ALPK2: variants seen among roughly 807,000 people sequenced by gnomAD.
ALPK2 encodes the protein alpha kinase 2.
Under a neutral mutation model 163.1 loss-of-function variants are expected in ALPK2, and 127 were observed. That is an observed-to-expected ratio of 0.78 (90% CI 0.67 to 0.90). The LOEUF is 0.90. ALPK2 is among the 40% of genes least tolerant of loss of function. The pLI is 0.00. For missense variants in ALPK2, 2,360 were observed against 2,589.6 expected (o/e 0.91, Z 1.92); for synonymous variants, 953 against 959.1 (o/e 0.99, Z 0.12).
chr18:58,525,227 T>G (rs1457323701), intron 6 of ALPK2, among the ~76,000 whole-genome samples: 1 of 152,256 alleles, frequency 6.6e-6, no homozygotes, highest in Non-Finnish European at 1.5e-5. Context: ...AATATACCAG[T>G]GGCTTAAAAC....
At chr18:58,533,089 G>C (rs1031732128) in intron 5 of ALPK2, among the ~76,000 whole-genome samples, 3 of 152,216 alleles carry the variant, frequency 2.0e-5, no homozygotes, top group African/African-American at 7.2e-5. Flanking sequence ...GGCCCTCTCA[G>C]GACAAGGCTG....
intron 8 of ALPK2, 57 bp downstream of exon 8, chr18:58,523,749 A>G: frequency 1.9e-6 from 3 of 1,607,510 alleles, no homozygotes; most frequent in Non-Finnish European, 2.6e-6. Flanking sequence ...TCTGGGAGCT[A>G]TTTTATGCTT....
At chr18:58,495,128 A>G (rs2051395045) in intron 12 of ALPK2, among the ~76,000 whole-genome samples, 2 of 152,164 alleles carry the variant, frequency 1.3e-5, no homozygotes, top group Non-Finnish European at 2.9e-5. Context: ...GGTTCCCAGG[A>G]GCCTCTAAAG....
chr18:58,523,985 A>T lies in ALPK2; in HGVS notation c.5579T>A (p.Ile1860Asn), dbSNP rs746401421. 24 of 1,614,072 alleles carry T rather than the reference A, an allele frequency of 1.5e-5. No individual in the cohort carries two copies. The South Asian group carries it at 1.8e-4, about 12-fold the overall frequency. ...PKDQGLYYCC[I>N]KNSYGKVTAE... is the part of the protein sequence containing the mutation. ...AGTCACTTTTCCGTAGCTGTTCTTG[A>T]TGCAGCAGTAATAGAGTCCCTGGTC... is the stretch of plus-strand genomic sequence containing the variant. Residue 1860 changes from isoleucine (I) to asparagine (N), a missense_variant, in exon 7 of 13, where the codon ATC becomes AAC. Physicochemically the swap from Ile to Asn is moderately radical, Grantham distance 149 (BLOSUM62 -3). Coordinates refer to ENST00000361673, the MANE Select transcript of ALPK2 (RefSeq NM_052947.4).
At chr18:58,514,158 T>A (rs1038525910) in intron 10 of ALPK2, among the ~76,000 whole-genome samples, 1 of 152,194 alleles carries the variant, frequency 6.6e-6, no homozygotes, top group Non-Finnish European at 1.5e-5. Flanking sequence ...GGTACTGAAG[T>A]GTGTTAAGCA....
rs398033036 is a variant in ALPK2, at chr18:58,521,627, C to CTTTTTTTTTTT, written c.5665+2168_5665+2178dup. Among the ~76,000 whole-genome samples, 69 of 55,382 alleles carry CTTTTTTTTTTT rather than the reference C, an allele frequency of 1.2e-3. 3 individuals carry two copies. The highest frequency in any genetic ancestry group is 2.7e-3 in the African/African-American group (43 of 15,830). 36.3% of individuals were successfully genotyped at this position (55,382 alleles called of 152,430 possible). On this transcript the variant is annotated intron_variant, in intron 8 of 12. Coordinates refer to ENST00000361673, the MANE Select transcript of ALPK2 (RefSeq NM_052947.4). ...TTTCTTTTTCTTTCTTTCTCTCTCT[C>CTTTTTTTTTTT]TTTTTTTTTTTTTTTTTTTGAGATG...
At chr18:58,482,853 T>C (rs986602365) in intron 12 of ALPK2, among the ~76,000 whole-genome samples, 2 of 152,234 alleles carry the variant, frequency 1.3e-5, no homozygotes, top group Non-Finnish European at 2.9e-5. Context: ...TCCCCAGCTA[T>C]CTGCAGATGA....
At chr18:58,613,503 G>A (rs933591919) in intron 1 of ALPK2, among the ~76,000 whole-genome samples, 171 of 152,074 alleles carry the variant, frequency 1.1e-3, no homozygotes, top group African/African-American at 4.0e-3. Context: ...GACCATCCTG[G>A]CCAACATGGT....
At chr18:58,605,793 C>G (rs2052095061) in intron 3 of ALPK2, among the ~76,000 whole-genome samples, 1 of 152,214 alleles carries the variant, frequency 6.6e-6, no homozygotes, top group Admixed American at 6.5e-5. Context: ...CCGGCTGTCT[C>G]CCAAGTATAC....
At chr18:58,546,728 C>T (rs1056723953) in intron 4 of ALPK2, among the ~76,000 whole-genome samples, 8 of 152,188 alleles carry the variant, frequency 5.3e-5, no homozygotes, top group Non-Finnish European at 1.0e-4. Context: ...GTCACAAAAA[C>T]GGCTGTCTTC....
intron 10 of ALPK2, 67 bp from the exon 11 acceptor site, chr18:58,504,215 C>T: frequency 7.5e-7 from 1 of 1,334,714 alleles, no homozygotes; most frequent in Non-Finnish European, 1.1e-6. Flanking sequence ...CTGCGGCATT[C>T]TACTCTCTCC....
At chr18:58,484,085 G>A (rs2144092395) in intron 12 of ALPK2, among the ~76,000 whole-genome samples, 2 of 152,244 alleles carry the variant, frequency 1.3e-5, no homozygotes, top group Middle Eastern at 6.8e-3. Flanking sequence ...CCAACACCTA[G>A]TCCAGTGCTT....
intron 4 of ALPK2, among the ~76,000 whole-genome samples, chr18:58,550,577 T>C (rs542742924): frequency 1.7e-4 from 25 of 149,818 alleles, no homozygotes; most frequent in African/African-American, 6.1e-4. Flanking sequence ...TACCCTCATC[T>C]ATATCAGATA....
rs762946131 is a variant in ALPK2 at position 58,611,753 on chromosome 18, T to C, written c.45A>G (p.Leu15=). 5 of 1,611,538 alleles carry C rather than the reference T, an allele frequency of 3.1e-6. No homozygotes were observed. The highest frequency in any genetic ancestry group is 1.7e-5 in the Admixed American group (1 of 59,468). Residue 15 remains leucine, a synonymous_variant, in exon 2 of 13, where the codon TTA becomes TTG. Coordinates refer to ENST00000361673, the MANE Select transcript of ALPK2 (RefSeq NM_052947.4). ...GAACCTTCTGGGAAAGCAATGTAGA[T>C]AAAAAACACAGCGGGGGCCTCTGGG... ...EGPQRPPLCF[L]STLLSQKVPE... is the part of the protein sequence containing the mutation.
intron 1 of ALPK2, among the ~76,000 whole-genome samples, chr18:58,627,261 A>G (rs2052235698): frequency 6.6e-6 from 1 of 152,220 alleles, no homozygotes; most frequent in Admixed American, 6.5e-5. Flanking sequence ...AGGTAATGAC[A>G]ATAGGAACTC....
chr18:58,628,897 G>C lies in ALPK2; in HGVS notation c.-154C>G, dbSNP rs1384943248. ...ATTCAAAGGAGTTTATAGGGCTCAGGGTCTTCCATGATCAGGTCAAAGCAT... is the reference window on the plus strand; with the variant it reads ...ATTCAAAGGAGTTTATAGGGCTCAGCGTCTTCCATGATCAGGTCAAAGCAT... On this transcript the variant is annotated 5_prime_UTR_variant, in exon 1 of 13. Transcript: ENST00000361673. The C allele has an allele frequency of 6.6e-6, 1 of 152,144 alleles. No individual in the cohort carries two copies. Among genetic ancestry groups the C allele is most frequent in the African/African-American group, 2.4e-5 (1 of 41,410 alleles). The allele number at this position is 152,144 out of a possible 1,614,324, so 9.4% of individuals were successfully genotyped here.
At chr18:58,604,804 G>A (rs1324219546) in intron 3 of ALPK2, among the ~76,000 whole-genome samples, 1 of 152,070 alleles carries the variant, frequency 6.6e-6, no homozygotes, top group East Asian at 1.9e-4. Flanking sequence ...CTCAGAACAG[G>A]GAATGGTGAC....
intron 4 of ALPK2, among the ~76,000 whole-genome samples, chr18:58,551,666 G>A: frequency 6.6e-6 from 1 of 152,316 alleles, no homozygotes; most frequent in South Asian, 2.1e-4. Flanking sequence ...GACTGGGTGG[G>A]TGGTGTACAC....
chr18:58,492,173 G>A (rs1194581356), intron 12 of ALPK2, among the ~76,000 whole-genome samples: 1 of 146,160 alleles, frequency 6.8e-6, no homozygotes, highest in Non-Finnish European at 1.5e-5. Context: ...AACACACAGA[G>A]GCAGACACAA....
Sources: gnomAD v4.1 joint callset for allele counts (sites outside exome capture counted in the v4.1 genomes callset) on GRCh38, gnomAD v4.1.1 for gene constraint, MANE v1.5 for transcripts, NCBI Gene and HGNC (gene_info 2026-07-23, HGNC 2026-07-21) for gene names.